ULK4: variants seen among roughly 807,000 people sequenced by gnomAD.
ULK4 encodes the protein inactive serine/threonine-protein kinase ULK4.
Under a neutral mutation model 160.6 loss-of-function variants are expected in ULK4, and 133 were observed. The observed-to-expected ratio is 0.83, with a 90% confidence interval of 0.72 to 0.96. The LOEUF (loss-of-function observed/expected upper bound fraction) is 0.96. Ranked by LOEUF, ULK4 falls within the 40% of genes least tolerant of loss-of-function variation. ULK4 has a pLI of 0.00. For synonymous variants in ULK4, 534 were observed against 539.8 expected (o/e 0.99, Z 0.15); for missense variants, 1,580 against 1,499.5 (o/e 1.05, Z -0.89).
chr3:41,856,711 G>A (rs968294927), intron 17 of ULK4, among the ~76,000 whole-genome samples: 18 of 149,444 alleles, frequency 1.2e-4, no homozygotes, highest in African/African-American at 3.9e-4. Context: ...TTCAAGACCA[G>A]ACTCAGCAAC....
intron 17 of ULK4, among the ~76,000 whole-genome samples, chr3:41,851,010 T>C (rs184030710): frequency 0.013 from 1,911 of 152,324 alleles, 36 homozygotes; most frequent in African/African-American, 0.041. Context: ...TATACAATCA[T>C]CTCATCTGTA....
intron 31 of ULK4, among the ~76,000 whole-genome samples, chr3:41,573,143 T>C (rs907768327): frequency 6.6e-6 from 1 of 152,244 alleles, no homozygotes; most frequent in African/African-American, 2.4e-5. Context: ...GTAGAGATCA[T>C]TAGAATTAAA....
intron 35 of ULK4, among the ~76,000 whole-genome samples, chr3:41,318,955 A>G (rs1415408703): frequency 6.6e-6 from 1 of 152,330 alleles, no homozygotes; most frequent in East Asian, 1.9e-4. Flanking sequence ...GAACTACGGT[A>G]TGGAAGAATC....
intron 25 of ULK4, among the ~76,000 whole-genome samples, chr3:41,709,860 G>A (rs1202152614): frequency 4.6e-5 from 7 of 152,074 alleles, no homozygotes; most frequent in South Asian, 2.1e-4. Context: ...AAATGTCTAC[G>A]GATTACTAAG....
intron 30 of ULK4, among the ~76,000 whole-genome samples, chr3:41,627,518 T>C (rs1236745985): frequency 1.3e-5 from 2 of 152,226 alleles, no homozygotes; most frequent in Non-Finnish European, 1.5e-5. Context: ...AAAGGGATTC[T>C]CCATCTCCAT....
chr3:41,909,587 G>A (rs147670070), intron 11 of ULK4, among the ~76,000 whole-genome samples: 1,895 of 151,190 alleles, frequency 0.013, 37 homozygotes, highest in African/African-American at 0.041. Context: ...TGGTGGCACA[G>A]GCCTGTAATC....
chr3:41,526,856 A>G (rs376074437), intron 32 of ULK4, among the ~76,000 whole-genome samples: 1 of 152,190 alleles, frequency 6.6e-6, no homozygotes, highest in East Asian at 1.9e-4. Context: ...GTTGTTTTAC[A>G]CAGGTGAGTA....
At chr3:41,271,438 C>T (rs1182081356) in intron 35 of ULK4, among the ~76,000 whole-genome samples, 2 of 148,548 alleles carry the variant, frequency 1.3e-5, no homozygotes, top group African/African-American at 5.0e-5. Flanking sequence ...GTTGCCCAGG[C>T]TGGAGTACAG....
intron 32 of ULK4, among the ~76,000 whole-genome samples, chr3:41,503,715 T>C (rs899961249): frequency 1.3e-5 from 2 of 152,220 alleles, no homozygotes; most frequent in African/African-American, 4.8e-5. Context: ...GCATTTAGTA[T>C]GTTTTTGTCT....
At chr3:41,938,864 G>A (rs1316320315) in intron 2 of ULK4, among the ~76,000 whole-genome samples, 1 of 151,568 alleles carries the variant, frequency 6.6e-6, no homozygotes, top group Admixed American at 6.6e-5. Flanking sequence ...ATTTTCTATT[G>A]GCTACACTAA....
intron 32 of ULK4, among the ~76,000 whole-genome samples, chr3:41,511,480 A>C (rs1208152772): frequency 1.3e-5 from 2 of 152,176 alleles, no homozygotes; most frequent in Non-Finnish European, 2.9e-5. Flanking sequence ...CCACAGAAAC[A>C]CAAAAGATTA....
At chr3:41,815,625 G>A (rs555201613) in intron 19 of ULK4, among the ~76,000 whole-genome samples, 3 of 152,222 alleles carry the variant, frequency 2.0e-5, no homozygotes, top group African/African-American at 7.2e-5. Flanking sequence ...CTGCAAATAC[G>A]TCCTCAATGC....
At chr3:41,910,323 G>A (rs1698735005) in intron 11 of ULK4, among the ~76,000 whole-genome samples, 1 of 152,204 alleles carries the variant, frequency 6.6e-6, no homozygotes, top group Admixed American at 6.5e-5. Flanking sequence ...GAAAGGCTGG[G>A]CACTGTGGCT....
At chr3:41,699,202 C>G (rs1316001329) in intron 27 of ULK4, among the ~76,000 whole-genome samples, 1 of 152,186 alleles carries the variant, frequency 6.6e-6, no homozygotes, top group East Asian at 1.9e-4. Context: ...CCAATGTACA[C>G]TCTCACTGAG....
At chr3:41,878,705 A>G (rs1261171657) in intron 17 of ULK4, among the ~76,000 whole-genome samples, 3 of 145,374 alleles carry the variant, frequency 2.1e-5, no homozygotes, top group Admixed American at 6.9e-5. Flanking sequence ...AAGAGTGAGG[A>G]GTTCCTGACT....
chr3:41,448,908 T>C (rs1025768399), intron 34 of ULK4, among the ~76,000 whole-genome samples: 9 of 152,104 alleles, frequency 5.9e-5, no homozygotes, highest in African/African-American at 1.4e-4. Flanking sequence ...TTTTTCAAGA[T>C]GGAGTCTCAC....
chr3:41,715,615 T>C (rs1188493985), intron 23 of ULK4, 47 bp from the exon 24 acceptor site: 2 of 1,611,364 alleles, frequency 1.2e-6, no homozygotes, highest in Non-Finnish European at 1.7e-6. Flanking sequence ...AAACCACAAA[T>C]ACTTAGGAGC....
At chr3:41,605,870 A>C (rs1379510754) in intron 31 of ULK4, among the ~76,000 whole-genome samples, 3 of 152,064 alleles carry the variant, frequency 2.0e-5, no homozygotes, top group Non-Finnish European at 4.4e-5. Flanking sequence ...AACAAGTCTG[A>C]AGAAATTGTA....
In ULK4 at chr3:41,681,617, C is replaced by A. The variant is rs1244723806; in HGVS notation, c.2869G>T (p.Glu957Ter). The change falls in exon 29 of 37, where the codon GAA (glutamate) becomes TAA (stop). Residue 957 changes from glutamate (E) to a stop codon, truncating the protein, a stop_gained. Transcript: ENST00000301831. LOFTEE classifies it high-confidence loss of function. Reference sequence around the variant, plus strand: ...TGGTTCACGAGTAGAGATGTGGTTTCTGAGAGCAACCGCAAGCTAAAGAGT... The same window carrying A: ...TGGTTCACGAGTAGAGATGTGGTTTATGAGAGCAACCGCAAGCTAAAGAGT... ...WRLFSLRLLSETTSLLVNQEF... is the reference protein window; with the variant it reads ...WRLFSLRLLS 6.2e-7 allele frequency: 1 copy of A among 1,613,804 alleles called. No homozygotes were observed. The highest frequency in any genetic ancestry group is 1.1e-5 in the South Asian group (1 of 91,066).
Sources: gnomAD v4.1 joint callset for allele counts (sites outside exome capture counted in the v4.1 genomes callset) on GRCh38, gnomAD v4.1.1 for gene constraint, MANE v1.5 for transcripts, NCBI Gene and HGNC (gene_info 2026-07-23, HGNC 2026-07-21) for gene names.